The following AP1B1 variants were observed in gnomAD, a reference collection of about 807,000 sequenced individuals.
AP1B1 encodes the protein AP-1 complex subunit beta-1.
AP1B1 carries 36 observed loss-of-function variants against 104.3 expected under a neutral mutation model. The ratio of observed to expected loss-of-function variants is 0.35; its 90% CI spans 0.26 to 0.46. The LOEUF is 0.46. AP1B1 is among the 20% of genes least tolerant of loss of function. The probability of loss-of-function intolerance (pLI) is 1.00; values close to 1 mark genes in which losing one functional copy is unlikely to be tolerated. For synonymous variants in AP1B1, 504 were observed against 517.5 expected (o/e 0.97, Z 0.35); for missense variants, 901 against 1,247.9 (o/e 0.72, Z 4.19).
intron 11 of AP1B1, among the ~76,000 whole-genome samples, chr22:29,345,988 C>A (rs1057270871): frequency 7.2e-5 from 11 of 152,214 alleles, no homozygotes; most frequent in African/African-American, 2.7e-4. Flanking sequence ...CTGGCCCTAA[C>A]AAGTATTCTT....
At chr22:29,360,601 C>G (rs1466202307) in intron 3 of AP1B1, among the ~76,000 whole-genome samples, 1 of 152,182 alleles carries the variant, frequency 6.6e-6, no homozygotes, top group African/African-American at 2.4e-5. Context: ...GTGCTAAGAG[C>G]TTTACATGCT....
intron 9 of AP1B1, among the ~76,000 whole-genome samples, chr22:29,350,697 G>C (rs1049933902): frequency 6.6e-6 from 1 of 152,152 alleles, no homozygotes; most frequent in Non-Finnish European, 1.5e-5. Flanking sequence ...GGAGAATCTG[G>C]CTTAGTGGTC....
Position 29,339,793 on chromosome 22 carries a change from A to C in AP1B1, c.1999-19T>G. ...CCCCCATCTCCAAGCAGAAGCAGGC[A>C]GGTGAAGAGAACAGGCAGCCACATG... On this transcript the variant is annotated intron_variant, in intron 14 of 22. Transcript: ENST00000357586. 1 of 1,605,372 alleles carries C rather than the reference A, an allele frequency of 6.2e-7. No homozygotes were observed. Among genetic ancestry groups the C allele is most frequent in the Non-Finnish European group, 8.5e-7 (1 of 1,176,150 alleles).
chr22:29,354,592 CCAG>C, intron 7 of AP1B1, 55 bp downstream of exon 7: 3 of 1,529,778 alleles, frequency 2.0e-6, no homozygotes, highest in Non-Finnish European at 2.7e-6. Flanking sequence ...GCCCCCATTC[CCAG>C]CAGAAGAGGC....
intron 14 of AP1B1, among the ~76,000 whole-genome samples, 185 bp downstream of exon 14, chr22:29,340,471 G>A (rs1288950158): frequency 1.3e-5 from 2 of 152,134 alleles, no homozygotes; most frequent in Admixed American, 6.5e-5. Flanking sequence ...AGGCTGCCTG[G>A]CCTCTCTAAA....
intron 20 of AP1B1, 21 bp from the exon 21 acceptor site, chr22:29,330,553 G>A (rs987200573): frequency 8.1e-6 from 13 of 1,609,896 alleles, no homozygotes; most frequent in Non-Finnish European, 1.1e-5. Flanking sequence ...ACATGGCCGT[G>A]AGAGGCCCCA....
intron 1 of AP1B1, among the ~76,000 whole-genome samples, chr22:29,382,288 C>A (rs2062448660): frequency 6.6e-6 from 1 of 152,100 alleles, no homozygotes; most frequent in Non-Finnish European, 1.5e-5. Context: ...CTCAAATGAT[C>A]CTCCCACCTC....
intron 2 of AP1B1, among the ~76,000 whole-genome samples, chr22:29,366,036 G>A (rs1337976471): frequency 6.6e-6 from 1 of 152,162 alleles, no homozygotes; most frequent in African/African-American, 2.4e-5. Flanking sequence ...TCGGGTCCTG[G>A]ATCAGCTGAT....
chr22:29,379,039 T>C (rs893818329), intron 1 of AP1B1, among the ~76,000 whole-genome samples: 1 of 151,856 alleles, frequency 6.6e-6, no homozygotes, highest in East Asian at 1.9e-4. Flanking sequence ...TAAGCCGTAA[T>C]GTGCGGAAAG....
intron 1 of AP1B1, among the ~76,000 whole-genome samples, chr22:29,372,092 A>T (rs1476660985): frequency 6.6e-6 from 1 of 152,190 alleles, no homozygotes; most frequent in East Asian, 1.9e-4. Context: ...CACATCCCAG[A>T]AACAGTTCTG....
At chr22:29,336,824 G>GATGAACAC (rs2061644953) in intron 16 of AP1B1, among the ~76,000 whole-genome samples, 1 of 143,086 alleles carries the variant, frequency 7.0e-6, no homozygotes, top group African/African-American at 2.7e-5. Flanking sequence ...AAAAAAAAAA[G>GATGAACAC]ATGAACACAC....
At chr22:29,330,274 C>T (rs1569149633) in intron 21 of AP1B1, 104 bp downstream of exon 21, 1 of 1,552,758 alleles carries the variant, frequency 6.4e-7, no homozygotes, top group Non-Finnish European at 8.7e-7. Flanking sequence ...TAGTTCAAGC[C>T]AGGCTTGAAG....
At chr22:29,364,691 G>A (rs2062104238) in intron 2 of AP1B1, among the ~76,000 whole-genome samples, 2 of 151,238 alleles carry the variant, frequency 1.3e-5, no homozygotes, top group Middle Eastern at 3.5e-3. Context: ...TGGGATTACA[G>A]GCATGAGCCA....
At chr22:29,329,526 C>G (rs2061525210) in intron 22 of AP1B1, 186 bp downstream of exon 22, 1 of 1,442,966 alleles carries the variant, frequency 6.9e-7, no homozygotes, top group African/African-American at 1.4e-5. Context: ...AGGAAGGACT[C>G]TGTGCACACT....
chr22:29,336,339 T>C (rs773074281), intron 16 of AP1B1, among the ~76,000 whole-genome samples: 5 of 152,166 alleles, frequency 3.3e-5, no homozygotes, highest in Non-Finnish European at 7.3e-5. Flanking sequence ...AACCCTCCCA[T>C]GACCAAGGCA....
At chr22:29,362,246 C>T (rs2881921) in intron 3 of AP1B1, among the ~76,000 whole-genome samples, 53,780 of 152,118 alleles carry the variant, frequency 0.35, 10,420 homozygotes, top group East Asian at 0.67. Flanking sequence ...TAGAGAAATC[C>T]AATCTGCACG....
At chr22:29,335,436 C>T (rs1461124753) in intron 16 of AP1B1, among the ~76,000 whole-genome samples, 1 of 150,860 alleles carries the variant, frequency 6.6e-6, no homozygotes, top group Non-Finnish European at 1.5e-5. Context: ...CCCCTTGAGA[C>T]AGTCACGCAA....
intron 3 of AP1B1, 72 bp from the exon 4 acceptor site, chr22:29,360,031 T>C (rs1199047932): frequency 6.5e-7 from 1 of 1,536,384 alleles, no homozygotes; most frequent in Non-Finnish European, 8.9e-7. Context: ...GGCTGCTAAC[T>C]AGTGGGTGAG....
chr22:29,387,124 T>C (rs2062537452), intron 1 of AP1B1, among the ~76,000 whole-genome samples: 2 of 152,216 alleles, frequency 1.3e-5, no homozygotes, highest in Non-Finnish European at 2.9e-5. Flanking sequence ...TGTGTCTCAC[T>C]GTTCCCTAAA....
Sources: allele counts gnomAD v4.1 joint callset (sites outside exome capture counted in the v4.1 genomes callset), GRCh38; gene constraint gnomAD v4.1.1; transcripts MANE v1.5; gene names NCBI Gene and HGNC (gene_info 2026-07-23, HGNC 2026-07-21).